Variants in DCC observed in about 807,000 individuals in gnomAD.
DCC encodes the protein netrin receptor DCC.
In DCC, 58 loss-of-function variants were observed where a neutral mutation model predicts 172.5. The observed-to-expected ratio is 0.34, with a 90% CI of 0.27 to 0.42. The LOEUF (loss-of-function observed/expected upper bound fraction) is 0.42, where lower values mean the gene tolerates loss of function less well. Among genes scored for constraint, DCC ranks in the 10% least tolerant of loss-of-function variants. The pLI is 1.00. For missense variants in DCC, 1,740 were observed against 1,791.0 expected (o/e 0.97, Z 0.51); for synonymous variants, 709 against 644.5 (o/e 1.10, Z -1.52).
At chr18:53,086,871 A>G (rs1202730774) in intron 7 of DCC, among the ~76,000 whole-genome samples, 1 of 149,162 alleles carries the variant, frequency 6.7e-6, no homozygotes, top group East Asian at 2.0e-4. Flanking sequence ...TTGTTCTTGC[A>G]ATAGTTTACT....
chr18:53,501,048 A>ATT (rs1568171691), intron 27 of DCC, among the ~76,000 whole-genome samples: 2 of 152,164 alleles, frequency 1.3e-5, no homozygotes, highest in East Asian at 3.9e-4. Flanking sequence ...CTTCCTTGTG[A>ATT]TTTCTGGCTG....
At position 52,436,736 on chromosome 18, in the gene DCC, A is replaced by T. The variant is rs973662469; in HGVS notation, c.91+95858A>T. Among the ~76,000 whole-genome samples the T allele has an allele frequency of 2.0e-5, 3 of 152,030 alleles. No homozygotes were observed. In the East Asian group the frequency reaches 5.8e-4, roughly 29 times the overall value. ...CAGCCTGCCAACATGGCAAAACCCCATCTCTACTAAAAACTACAAACAAAC... is the reference window on the plus strand; with the variant it reads ...CAGCCTGCCAACATGGCAAAACCCCTTCTCTACTAAAAACTACAAACAAAC... On this transcript the variant is annotated intron_variant, in intron 1 of 28. Coordinates refer to ENST00000442544, the MANE Select transcript of DCC (RefSeq NM_005215.4).
At chr18:53,399,583 G>A (rs542170620) in intron 18 of DCC, among the ~76,000 whole-genome samples, 7 of 152,190 alleles carry the variant, frequency 4.6e-5, no homozygotes, top group African/African-American at 1.7e-4. Context: ...ATAAAGAAAT[G>A]GAAGTATAGG....
At chr18:53,270,487 G>A (rs920537878) in intron 12 of DCC, among the ~76,000 whole-genome samples, 1 of 152,094 alleles carries the variant, frequency 6.6e-6, no homozygotes, top group Non-Finnish European at 1.5e-5. Context: ...AGTTTGGACA[G>A]ATCTCAACAT....
chr18:53,351,466 G>GTA lies in DCC; in HGVS notation c.2359+11582_2359+11583dup, dbSNP rs58177961. On this transcript the variant is annotated intron_variant, in intron 15 of 28. Coordinates refer to ENST00000442544, the MANE Select transcript of DCC (RefSeq NM_005215.4). ...GTGTATATATATATATACACAGTGTGTATATATATATATATATATATATAG... is the reference window on the plus strand; with the variant it reads ...GTGTATATATATATATACACAGTGTGTATATATATATATATATATATATATAG... 4.3e-4 allele frequency among the ~76,000 whole-genome samples: 16 copies of GTA among 37,290 alleles called. 2 individuals are homozygous for GTA. The highest frequency in any genetic ancestry group is 2.3e-3 in the East Asian group (4 of 1,728). The allele number at this position is 37,290 out of a possible 152,430, so 24.5% of individuals were successfully genotyped here. A position where few individuals can be genotyped will look rare whatever the true frequency, so the allele number is the denominator to read the frequency against.
chr18:53,065,698 A>G (rs2144088083), intron 6 of DCC, among the ~76,000 whole-genome samples: 1 of 152,304 alleles, frequency 6.6e-6, no homozygotes, highest in East Asian at 1.9e-4. Flanking sequence ...AATAACAAGT[A>G]AAAGAATGAG....
At chr18:53,222,023 A>C (rs1258658819) in intron 12 of DCC, among the ~76,000 whole-genome samples, 3 of 152,242 alleles carry the variant, frequency 2.0e-5, no homozygotes, top group African/African-American at 7.2e-5. Flanking sequence ...ATATTCCATC[A>C]GAATTTAGAC....
intron 7 of DCC, among the ~76,000 whole-genome samples, chr18:53,088,605 C>T (rs1265064187): frequency 6.6e-6 from 1 of 151,878 alleles, no homozygotes; most frequent in African/African-American, 2.4e-5. Context: ...AAAAACCCTT[C>T]AAAAATTAAT....
chr18:52,394,087 A>C (rs1259263902), intron 1 of DCC, among the ~76,000 whole-genome samples: 1 of 152,082 alleles, frequency 6.6e-6, no homozygotes, highest in African/African-American at 2.4e-5. Context: ...ACTATGAGCT[A>C]AAAACAACAG....
At chr18:53,392,102 G>A (rs1046990654) in intron 17 of DCC, among the ~76,000 whole-genome samples, 1 of 152,130 alleles carries the variant, frequency 6.6e-6, no homozygotes, top group East Asian at 1.9e-4. Flanking sequence ...ATCAAGTGCT[G>A]TAAAACGTTA....
intron 7 of DCC, among the ~76,000 whole-genome samples, chr18:53,105,912 T>C (rs748622716): frequency 5.3e-5 from 8 of 151,474 alleles, no homozygotes; most frequent in Non-Finnish European, 1.2e-4. Flanking sequence ...GAGTGATGCC[T>C]GAGGCATTTT....
chr18:53,123,707 C>G (rs1268294756), intron 7 of DCC, among the ~76,000 whole-genome samples: 1 of 151,990 alleles, frequency 6.6e-6, no homozygotes, highest in Non-Finnish European at 1.5e-5. Context: ...TTCATTCTTT[C>G]TATTACTTTC....
At chr18:52,838,527 A>G (rs991012599) in intron 2 of DCC, among the ~76,000 whole-genome samples, 19 of 152,196 alleles carry the variant, frequency 1.2e-4, no homozygotes, top group African/African-American at 4.6e-4. Context: ...GAAGAAAAAG[A>G]AAACTTAATT....
chr18:53,190,245 C>A (rs2055346112), intron 9 of DCC, among the ~76,000 whole-genome samples: 1 of 152,124 alleles, frequency 6.6e-6, no homozygotes, highest in Non-Finnish European at 1.5e-5. Flanking sequence ...ATTTTTAACA[C>A]CTGTGGCCTG....
chr18:53,129,040 C>T (rs2043613126), intron 7 of DCC, among the ~76,000 whole-genome samples: 1 of 151,730 alleles, frequency 6.6e-6, no homozygotes, highest in Non-Finnish European at 1.5e-5. Flanking sequence ...GCATATGCCA[C>T]CATGCCTGGC....
rs571210287 is a variant in DCC at position 52,930,103 on chromosome 18, T to G, written c.985+4733T>G. 2.0e-5 allele frequency among the ~76,000 whole-genome samples: 3 copies of G among 152,104 alleles called. No individual in the cohort carries two copies. The East Asian group carries it at 5.8e-4, about 30-fold the overall frequency. ...TCTTGGACCAAATTTGGCTATTTAT[T>G]TTTTCTTTCTTTTCTTTTTCTTTTC... On this transcript the variant is annotated intron_variant, in intron 5 of 28. Coordinates refer to ENST00000442544, the MANE Select transcript of DCC (RefSeq NM_005215.4).
chr18:53,338,514 T>C (rs1416532387), intron 14 of DCC, among the ~76,000 whole-genome samples: 1 of 152,126 alleles, frequency 6.6e-6, no homozygotes, highest in Non-Finnish European at 1.5e-5. Flanking sequence ...AGGCAGAGAA[T>C]TGCTTGAACC....
intron 1 of DCC, among the ~76,000 whole-genome samples, chr18:52,681,844 A>G (rs1196545552): frequency 6.6e-6 from 1 of 152,148 alleles, no homozygotes; most frequent in Non-Finnish European, 1.5e-5. Context: ...ACTTTTGTGT[A>G]GCTTCCAACA....
chr18:53,264,239 A>T (rs1214196532), intron 12 of DCC, among the ~76,000 whole-genome samples: 1 of 152,180 alleles, frequency 6.6e-6, no homozygotes, highest in Non-Finnish European at 1.5e-5. Flanking sequence ...CTGTAATCCC[A>T]GCACTTTGGG....
Sources: allele counts gnomAD v4.1 joint callset (sites outside exome capture counted in the v4.1 genomes callset), GRCh38; gene constraint gnomAD v4.1.1; transcripts MANE v1.5; gene names NCBI Gene and HGNC (gene_info 2026-07-23, HGNC 2026-07-21).